The following CSMD1 variants were observed in gnomAD, a reference collection of about 807,000 sequenced individuals.
The protein encoded by CSMD1 is CUB and Sushi multiple domains 1, also known as CUB and sushi domain-containing protein 1.
Under a neutral mutation model 417.5 loss-of-function variants are expected in CSMD1, and 213 were observed. The observed-to-expected ratio is 0.51, with a 90% CI of 0.46 to 0.57. The LOEUF is 0.57. CSMD1 is among the 20% of genes least tolerant of loss of function. CSMD1 has a pLI of 0.00. For missense variants in CSMD1, 6,923 were observed against 4,529.7 expected (o/e 1.53, Z -15.17); for synonymous variants, 2,862 against 1,736.8 (o/e 1.65, Z -16.11).
chr8:4,625,940 T>C (rs1802079515), intron 2 of CSMD1, among the ~76,000 whole-genome samples: 2 of 152,108 alleles, frequency 1.3e-5, no homozygotes, highest in Non-Finnish European at 2.9e-5. Context: ...GCCAGGCTGG[T>C]CTCGAACTCC....
Position 4,146,661 on chromosome 8 carries a change from G to C in CSMD1, c.416-114562C>G, listed in dbSNP as rs896597153. ...GAGTCTCGATCCGTCCCCCAGGCTG[G>C]AGCGCAGTGGTGTGATCTGGACTCA... On this transcript the variant is annotated intron_variant, in intron 3 of 69. Coordinates refer to ENST00000635120, the MANE Select transcript of CSMD1 (RefSeq NM_033225.6). Among the ~76,000 whole-genome samples, 3 of 124,256 alleles carry C rather than the reference G, an allele frequency of 2.4e-5. No homozygotes were observed. In the Admixed American group the frequency reaches 3.0e-4, roughly 12 times the overall value. The allele number at this position is 124,256 out of a possible 152,430, so 81.5% of individuals were successfully genotyped here. A position where few individuals can be genotyped will look rare whatever the true frequency, so the allele number is the denominator to read the frequency against.
intron 1 of CSMD1, among the ~76,000 whole-genome samples, chr8:4,987,213 C>G (rs1041744022): frequency 3.9e-5 from 6 of 152,072 alleles, no homozygotes; most frequent in African/African-American, 7.2e-5. Context: ...TATTCAGAAT[C>G]ATTTGGAAAA....
At chr8:4,822,174 T>C (rs531530728) in intron 1 of CSMD1, among the ~76,000 whole-genome samples, 12 of 152,248 alleles carry the variant, frequency 7.9e-5, no homozygotes, top group Non-Finnish European at 5.9e-5. Context: ...TCTGTGACTG[T>C]GCATTCCAGC....
chr8:3,838,949 A>C (rs1179877199), intron 5 of CSMD1, among the ~76,000 whole-genome samples: 89 of 111,056 alleles, frequency 8.0e-4, no homozygotes, highest in Non-Finnish European at 1.2e-3. Flanking sequence ...ATAAAAAATT[A>C]ATATCTATAA....
intron 1 of CSMD1, among the ~76,000 whole-genome samples, chr8:4,662,617 C>T (rs939833554): frequency 1.3e-5 from 2 of 152,158 alleles, no homozygotes; most frequent in Admixed American, 1.3e-4. Flanking sequence ...TACGATTTCT[C>T]ACATCATGTT....
chr8:3,681,853 A>G (rs186303008), intron 7 of CSMD1, among the ~76,000 whole-genome samples: 23 of 152,276 alleles, frequency 1.5e-4, no homozygotes, highest in Admixed American at 6.5e-4. Context: ...ATATAGACCA[A>G]TGGAACAGAA....
chr8:3,916,112 G>C (rs780527042), intron 5 of CSMD1, among the ~76,000 whole-genome samples: 1 of 151,684 alleles, frequency 6.6e-6, no homozygotes. Context: ...TGTCAAAAAA[G>C]ATAACATGCC....
chr8:4,093,399 G>C (rs952312244), intron 3 of CSMD1, among the ~76,000 whole-genome samples: 4 of 152,124 alleles, frequency 2.6e-5, no homozygotes, highest in African/African-American at 7.2e-5. Context: ...AAGCCAAATT[G>C]TTTAAAGCCA....
intron 1 of CSMD1, among the ~76,000 whole-genome samples, chr8:4,748,132 A>G (rs1462054966): frequency 2.6e-5 from 4 of 152,170 alleles, no homozygotes; most frequent in Admixed American, 2.0e-4. Context: ...ACATGCTACC[A>G]ACCAACTCAC....
At chr8:4,894,629 T>C (rs1804357016) in intron 1 of CSMD1, among the ~76,000 whole-genome samples, 1 of 152,020 alleles carries the variant, frequency 6.6e-6, no homozygotes. Flanking sequence ...CATTATCATT[T>C]ATCTGCAAAT....
At chr8:4,160,670 G>C (rs934263098) in intron 3 of CSMD1, among the ~76,000 whole-genome samples, 1 of 152,200 alleles carries the variant, frequency 6.6e-6, no homozygotes, top group African/African-American at 2.4e-5. Flanking sequence ...ACAGACACAT[G>C]TCCACGCAAT....
chr8:4,524,228 T>C (rs965525406), intron 2 of CSMD1, among the ~76,000 whole-genome samples: 1 of 150,846 alleles, frequency 6.6e-6, no homozygotes, highest in Non-Finnish European at 1.5e-5. Flanking sequence ...AACATTGAAG[T>C]GTATAAAGAA....
At position 4,726,575 on chromosome 8, in the gene CSMD1, G is replaced by C. The variant is rs190709462; in HGVS notation, c.86-89017C>G. The stretch of plus-strand genomic sequence containing the variant: ...GACAGGACCACTTCCCTGTCTGACA[G>C]GTGAGACGTCTAGGGCCTCCCATCA... On this transcript the variant is annotated intron_variant, in intron 1 of 69. Coordinates refer to ENST00000635120, the MANE Select transcript of CSMD1 (RefSeq NM_033225.6). Among the ~76,000 whole-genome samples the C allele has an allele frequency of 2.8e-3, 425 of 152,258 alleles. 2 individuals are homozygous for C. The highest frequency in any genetic ancestry group is 9.3e-3 in the African/African-American group (387 of 41,562).
At chr8:4,281,639 C>G (rs1040126690) in intron 3 of CSMD1, among the ~76,000 whole-genome samples, 1 of 152,028 alleles carries the variant, frequency 6.6e-6, no homozygotes, top group African/African-American at 2.4e-5. Context: ...TTATGTTGGG[C>G]TTTCTTACTT....
intron 5 of CSMD1, among the ~76,000 whole-genome samples, chr8:3,908,629 A>T (rs1808263349): frequency 6.6e-6 from 1 of 152,164 alleles, no homozygotes; most frequent in South Asian, 2.1e-4. Flanking sequence ...TTAAAAAAAA[A>T]TCTGTCTTAT....
chr8:4,943,539 A>G (rs1003183277), intron 1 of CSMD1, among the ~76,000 whole-genome samples: 1 of 139,622 alleles, frequency 7.2e-6, no homozygotes, highest in African/African-American at 2.7e-5. Flanking sequence ...AAAATAAAAT[A>G]AAATCATCAC....
At chr8:4,260,889 A>C (rs1275371928) in intron 3 of CSMD1, among the ~76,000 whole-genome samples, 2 of 152,290 alleles carry the variant, frequency 1.3e-5, no homozygotes, top group East Asian at 1.9e-4. Context: ...GTCGTGTTTG[A>C]TATTATGATA....
At chr8:3,367,964 G>C (rs949687703) in intron 19 of CSMD1, among the ~76,000 whole-genome samples, 7 of 152,090 alleles carry the variant, frequency 4.6e-5, no homozygotes, top group African/African-American at 1.7e-4. Flanking sequence ...TTGGAGGTCT[G>C]CATAACCGAG....
intron 4 of CSMD1, among the ~76,000 whole-genome samples, chr8:4,020,941 A>T (rs2688362): frequency 0.33 from 50,708 of 151,942 alleles, 9,353 homozygotes; most frequent in South Asian, 0.55. Context: ...AATTTCCAAC[A>T]CATTGTGACG....
Sources: allele counts gnomAD v4.1 joint callset (sites outside exome capture counted in the v4.1 genomes callset), GRCh38; gene constraint gnomAD v4.1.1; transcripts MANE v1.5; gene names NCBI Gene and HGNC (gene_info 2026-07-23, HGNC 2026-07-21).